BBS12: variants seen among roughly 807,000 people sequenced by gnomAD.
The protein encoded by BBS12 is Bardet-Biedl syndrome 12.
In BBS12, 5 loss-of-function variants were observed where a neutral mutation model predicts 5.6. That is an observed-to-expected ratio of 0.89 (90% CI 0.46 to 1.86). The LOEUF (loss-of-function observed/expected upper bound fraction) is 1.86, where lower values mean the gene tolerates loss of function less well. Ranked by LOEUF, BBS12 falls within the 40% of genes most tolerant of loss-of-function variation. BBS12 has a pLI of 0.01. For synonymous variants in BBS12, 308 were observed against 306.8 expected, an observed-to-expected ratio of 1.00 and a Z score of -0.04; for missense variants, 748 against 830.4, an observed-to-expected ratio of 0.90 and a Z score of 1.22.
the BBS12 span, among the ~76,000 whole-genome samples, chr4:122,711,512 T>C: frequency 6.6e-6 from 1 of 152,312 alleles, no homozygotes; most frequent in East Asian, 1.9e-4. Context: ...GGAACCTGGC[T>C]TTTCTGGGAA....
chr4:122,708,894 A>G, the BBS12 span, among the ~76,000 whole-genome samples: 3 of 152,196 alleles, frequency 2.0e-5, no homozygotes, highest in South Asian at 6.2e-4. Flanking sequence ...TTAATATTGA[A>G]CTAAGGCTCA....
intron 1 of BBS12, among the ~76,000 whole-genome samples, chr4:122,740,010 C>T (rs1800841974): frequency 6.6e-6 from 1 of 152,148 alleles, no homozygotes; most frequent in Non-Finnish European, 1.5e-5. Context: ...GTGGCTCATG[C>T]CTGTAATCCC....
chr4:122,741,467 G>C (rs1800871498), intron 1 of BBS12, among the ~76,000 whole-genome samples: 1 of 152,208 alleles, frequency 6.6e-6, no homozygotes, highest in African/African-American at 2.4e-5. Flanking sequence ...TTATAGGCAT[G>C]AGCCACTGCG....
At chr4:122,728,285 T>C (rs1348147375), upstream of BBS12, among the ~76,000 whole-genome samples, 2 of 152,198 alleles carry the variant, frequency 1.3e-5, no homozygotes, top group Admixed American at 1.3e-4. Flanking sequence ...ATAATTGATA[T>C]AATGAATTAT....
chr4:122,738,830 A>G (rs1800824109), intron 1 of BBS12, among the ~76,000 whole-genome samples: 6 of 152,242 alleles, frequency 3.9e-5, no homozygotes, highest in Admixed American at 3.3e-4. Flanking sequence ...GATATCTATA[A>G]TATTACAAAA....
At chr4:122,720,922 G>A in the BBS12 span, among the ~76,000 whole-genome samples, 1 of 148,188 alleles carries the variant, frequency 6.7e-6, no homozygotes, top group Non-Finnish European at 1.5e-5. Flanking sequence ...TTTCAAAGAA[G>A]CAACAATAAA....
chr4:122,712,945 G>A, the BBS12 span, among the ~76,000 whole-genome samples: 11 of 152,312 alleles, frequency 7.2e-5, 1 homozygote, highest in South Asian at 2.1e-3. Flanking sequence ...CAAGATGTCA[G>A]CTACTTGGGC....
chr4:122,719,172 G>A, the BBS12 span, among the ~76,000 whole-genome samples: 6 of 152,070 alleles, frequency 3.9e-5, no homozygotes, highest in Non-Finnish European at 8.8e-5. Flanking sequence ...TGGGCTTCTG[G>A]GTCAGGTGGG....
At chr4:122,711,794 G>A in the BBS12 span, among the ~76,000 whole-genome samples, 5 of 152,158 alleles carry the variant, frequency 3.3e-5, no homozygotes, top group Non-Finnish European at 5.9e-5. Flanking sequence ...ACAAAGGGTG[G>A]ACTTGTGTAC....
chr4:122,715,974 G>A, the BBS12 span, among the ~76,000 whole-genome samples: 2 of 152,060 alleles, frequency 1.3e-5, no homozygotes, highest in African/African-American at 4.8e-5. Context: ...TCAAATAAAC[G>A]GGTATAATTG....
Position 122,742,135 on chromosome 4 carries a change from T to G in BBS12, c.243T>G (p.Tyr81Ter). 6.2e-7 allele frequency: 1 copy of G among 1,614,082 alleles called. No homozygotes were observed. The highest frequency in any genetic ancestry group is 8.5e-7 in the Non-Finnish European group (1 of 1,180,028). The change falls in exon 2 of 2, where the codon TAT becomes TAG. Residue 81 changes from tyrosine (Y) to a stop codon, truncating the protein, a stop_gained. Transcript: ENST00000314218. LOFTEE classifies it low-confidence loss of function (END_TRUNC). The part of the protein sequence containing the change: ...NEAVQAQNNT[Y>*]RTGISTLLFL... ...CAGTTCAAGCACAAAACAACACATA[T>G]AGAACTGGAATCAGTACTCTTTTGT...
At chr4:122,709,711 G>A in the BBS12 span, among the ~76,000 whole-genome samples, 1 of 151,992 alleles carries the variant, frequency 6.6e-6, no homozygotes, top group East Asian at 1.9e-4. Flanking sequence ...CTGGGTTGCA[G>A]TGGCGTGACC....
At chr4:122,700,617 C>T in the BBS12 span, among the ~76,000 whole-genome samples, 1 of 152,196 alleles carries the variant, frequency 6.6e-6, no homozygotes, top group Non-Finnish European at 1.5e-5. Flanking sequence ...GGGTGCTCTG[C>T]CTCACTGGGC....
At chr4:122,711,036 A>G in the BBS12 span, among the ~76,000 whole-genome samples, 1 of 152,226 alleles carries the variant, frequency 6.6e-6, no homozygotes, top group Non-Finnish European at 1.5e-5. Context: ...GAAGAAAAAT[A>G]GATTGTTTAA....
upstream of BBS12, chr4:122,732,322 A>G (rs1263767670): frequency 1.3e-5 from 2 of 152,274 alleles, no homozygotes; most frequent in African/African-American, 4.8e-5. Context: ...CAACAGGAGT[A>G]AGGAAGGAGT....
chr4:122,733,376 AACACAC>A (rs3034555), intron 1 of BBS12, among the ~76,000 whole-genome samples: 4,601 of 88,136 alleles, frequency 0.052, 406 homozygotes, highest in Middle Eastern at 0.11. Context: ...CTCCAACCCC[AACACAC>A]ACACACACAC....
In BBS12 at chr4:122,742,229, G is replaced by C; in HGVS notation, c.337G>C (p.Val113Leu). The change falls in exon 2 of 2, where the codon GTA (valine) becomes CTA (leucine). Residue 113 changes from valine to leucine, a missense_variant. Coordinates refer to ENST00000314218, the MANE Select transcript of BBS12 (RefSeq NM_152618.3). ...TCTTGGTGTCCCCATTTCCATAATA[G>C]TATCAGTAATGTCAGAAGGCTTAAA... Reference protein sequence around the residue: ...LHLGVPISIIVSVMSEGLNFC... With the variant: ...LHLGVPISIILSVMSEGLNFC... The C allele has an allele frequency of 6.2e-7, 1 of 1,613,840 alleles. No homozygotes were observed. Among genetic ancestry groups the C allele is most frequent in the Non-Finnish European group, 8.5e-7 (1 of 1,180,014 alleles).
At chr4:122,717,395 C>CT in the BBS12 span, among the ~76,000 whole-genome samples, 15 of 151,308 alleles carry the variant, frequency 9.9e-5, no homozygotes, top group Non-Finnish European at 2.1e-4. Context: ...TCTATTCTTT[C>CT]TTTTTTTTTA....
chr4:122,728,549 C>T (rs1051585268), upstream of BBS12: 1 of 152,156 alleles, frequency 6.6e-6, no homozygotes, highest in African/African-American at 2.4e-5. Flanking sequence ...GACTTTTATT[C>T]AGAACTTTTG....
Sources: allele counts gnomAD v4.1 joint callset (sites outside exome capture counted in the v4.1 genomes callset), GRCh38; gene constraint gnomAD v4.1.1; transcripts MANE v1.5; gene names NCBI Gene and HGNC (gene_info 2026-07-23, HGNC 2026-07-21).